Variants in RAP1GDS1 observed in about 807,000 individuals in gnomAD.
The protein encoded by RAP1GDS1 is Rap1 GTPase-GDP dissociation stimulator 1, also known as RAP1, GTP-GDP dissociation stimulator 1.
RAP1GDS1 carries 35 observed loss-of-function variants against 71.1 expected under a neutral mutation model. That is an observed-to-expected ratio of 0.49 (90% CI 0.38 to 0.65). RAP1GDS1 has a LOEUF of 0.65. Ranked by LOEUF, RAP1GDS1 falls within the 30% of genes least tolerant of loss-of-function variation. The probability of loss-of-function intolerance (pLI) is 0.00; values close to 1 mark genes in which losing one functional copy is unlikely to be tolerated. For missense variants in RAP1GDS1, 663 were observed against 706.1 expected (o/e 0.94, Z 0.69); for synonymous variants, 229 against 243.1 (o/e 0.94, Z 0.54).
Position 98,332,323 on chromosome 4 carries a change from G to A in RAP1GDS1, c.113-10816G>A, listed in dbSNP as rs1734127069. Among the ~76,000 whole-genome samples the A allele has an allele frequency of 2.0e-5, 3 of 152,196 alleles. No homozygotes were observed. In the South Asian group the frequency reaches 6.2e-4, roughly 32 times the overall value. ...AATTTCCTGGTTACATGGAATAATT[G>A]AGATACATCAGGACAAGACAAGAGT... On this transcript the variant is annotated intron_variant, in intron 2 of 14. Coordinates refer to ENST00000408927, the MANE Select transcript of RAP1GDS1 (RefSeq NM_001100427.2).
intron 4 of RAP1GDS1, among the ~76,000 whole-genome samples, chr4:98,360,000 A>G (rs971415123): frequency 3.3e-5 from 5 of 152,214 alleles, no homozygotes; most frequent in Non-Finnish European, 7.3e-5. Flanking sequence ...CTCTTCAGAT[A>G]GTTTACACTT....
intron 7 of RAP1GDS1, among the ~76,000 whole-genome samples, chr4:98,406,289 C>A (rs983728254): frequency 2.0e-5 from 3 of 151,808 alleles, no homozygotes; most frequent in African/African-American, 7.3e-5. Flanking sequence ...AAATAAATAA[C>A]TATACTACTT....
intron 1 of RAP1GDS1, among the ~76,000 whole-genome samples, chr4:98,286,329 C>G (rs114576646): frequency 0.028 from 4,173 of 151,562 alleles, 191 homozygotes; most frequent in African/African-American, 0.096. Context: ...CCTGTCGCAT[C>G]CAGACACAAT....
intron 2 of RAP1GDS1, among the ~76,000 whole-genome samples, chr4:98,308,076 T>C (rs1286648830): frequency 6.6e-6 from 1 of 151,686 alleles, no homozygotes; most frequent in Non-Finnish European, 1.5e-5. Flanking sequence ...GAGGATTGCT[T>C]GAAGTGAGGA....
At chr4:98,431,810 C>T (rs1401827974) in intron 12 of RAP1GDS1, among the ~76,000 whole-genome samples, 2 of 152,240 alleles carry the variant, frequency 1.3e-5, no homozygotes, top group Non-Finnish European at 2.9e-5. Flanking sequence ...CAATATTATT[C>T]TGTCACATGT....
chr4:98,289,740 A>G (rs1314892908), intron 1 of RAP1GDS1, among the ~76,000 whole-genome samples: 2 of 152,106 alleles, frequency 1.3e-5, no homozygotes, highest in Non-Finnish European at 2.9e-5. Flanking sequence ...AACCCTTTAG[A>G]TAAGTAAAAC....
intron 9 of RAP1GDS1, among the ~76,000 whole-genome samples, chr4:98,417,794 T>A (rs56030651): frequency 6.6e-6 from 1 of 152,212 alleles, no homozygotes; most frequent in East Asian, 1.9e-4. Context: ...TGCTTTCTTT[T>A]GCCTAGTGAT....
intron 6 of RAP1GDS1, among the ~76,000 whole-genome samples, chr4:98,393,627 T>A (rs1416772143): frequency 6.6e-6 from 1 of 152,180 alleles, no homozygotes; most frequent in Non-Finnish European, 1.5e-5. Context: ...AGAGTGCAGG[T>A]ACTTTGCTGT....
At chr4:98,336,178 A>C (rs1365918601) in intron 2 of RAP1GDS1, among the ~76,000 whole-genome samples, 1 of 152,132 alleles carries the variant, frequency 6.6e-6, no homozygotes, top group Non-Finnish European at 1.5e-5. Context: ...CTTATAGGTA[A>C]ATATTCATAT....
intron 2 of RAP1GDS1, among the ~76,000 whole-genome samples, chr4:98,326,600 C>T (rs2110355970): frequency 6.6e-6 from 1 of 152,184 alleles, no homozygotes. Context: ...CCCTGTGTTT[C>T]TACATTTATT....
At chr4:98,353,870 T>C (rs1737566265) in intron 4 of RAP1GDS1, among the ~76,000 whole-genome samples, 1 of 152,162 alleles carries the variant, frequency 6.6e-6, no homozygotes. Flanking sequence ...TAGTTTATAA[T>C]ATCAACTTTC....
At chr4:98,396,727 C>G (rs1016484574) in intron 6 of RAP1GDS1, 2 of 152,094 alleles carry the variant, frequency 1.3e-5, no homozygotes, top group African/African-American at 2.4e-5. Flanking sequence ...ATGTATGCAC[C>G]AGAATAATGT....
chr4:98,362,949 A>G (rs545620024), intron 4 of RAP1GDS1, among the ~76,000 whole-genome samples: 7 of 152,212 alleles, frequency 4.6e-5, no homozygotes, highest in Non-Finnish European at 7.3e-5. Context: ...AGGGGAAAGA[A>G]TGAGCAAGAA....
chr4:98,440,432 C>T (rs148761269), intron 14 of RAP1GDS1, among the ~76,000 whole-genome samples: 3 of 152,216 alleles, frequency 2.0e-5, no homozygotes, highest in Non-Finnish European at 4.4e-5. Flanking sequence ...CTGTCATACT[C>T]TTTTTCACAG....
At chr4:98,312,084 T>C (rs1011928643) in intron 2 of RAP1GDS1, among the ~76,000 whole-genome samples, 1 of 152,196 alleles carries the variant, frequency 6.6e-6, no homozygotes, top group African/African-American at 2.4e-5. Flanking sequence ...TAGATGATTT[T>C]ACTAAAGTTG....
At chr4:98,345,959 A>T (rs1376856809) in intron 3 of RAP1GDS1, among the ~76,000 whole-genome samples, 1 of 152,158 alleles carries the variant, frequency 6.6e-6, no homozygotes, top group Admixed American at 6.5e-5. Flanking sequence ...GAACTGCTTT[A>T]TGTCTGTTCC....
chr4:98,420,166 A>G, intron 11 of RAP1GDS1, 22 bp downstream of exon 11: 1 of 1,490,050 alleles, frequency 6.7e-7, no homozygotes, highest in Non-Finnish European at 9.0e-7. Context: ...GTTTTCCCCA[A>G]CTTGCATTTT....
rs114470569 is a variant in RAP1GDS1 at position 98,378,374 on chromosome 4, A to G, written c.362-643A>G. Among the ~76,000 whole-genome samples, 895 of 152,004 alleles carry G rather than the reference A, an allele frequency of 5.9e-3. 11 individuals carry two copies. The highest frequency in any genetic ancestry group is 0.021 in the African/African-American group (861 of 41,526). On this transcript the variant is annotated intron_variant, in intron 4 of 14. Transcript: ENST00000408927. ...ATGTTGAATTATATTGGTGTGCCCT[A>G]GAAGAGAGGGAATAAGGAAAAAAGA... is the stretch of plus-strand genomic sequence containing the variant.
intron 7 of RAP1GDS1, among the ~76,000 whole-genome samples, chr4:98,407,035 AC>A: frequency 6.6e-6 from 1 of 152,246 alleles, no homozygotes; most frequent in African/African-American, 2.4e-5. Context: ...AAGGAAAAGA[AC>A]TAAAATCAAT....
Sources: gnomAD v4.1 joint callset for allele counts (sites outside exome capture counted in the v4.1 genomes callset) on GRCh38, gnomAD v4.1.1 for gene constraint, MANE v1.5 for transcripts, NCBI Gene and HGNC (gene_info 2026-07-23, HGNC 2026-07-21) for gene names.